SPATA13: variants seen among roughly 807,000 people sequenced by gnomAD.
The protein encoded by SPATA13 is spermatogenesis associated 13.
A neutral mutation model predicts 104.0 loss-of-function variants in SPATA13; 50 were observed. The ratio of observed to expected loss-of-function variants is 0.48; its 90% CI spans 0.38 to 0.61. The LOEUF is 0.61. Ranked by LOEUF, SPATA13 falls within the 20% of genes least tolerant of loss-of-function variation. SPATA13 has a pLI of 0.00. For synonymous variants in SPATA13, 606 were observed against 667.5 expected (o/e 0.91, Z 1.42); for missense variants, 1,524 against 1,690.6 (o/e 0.90, Z 1.73).
chr13:24,197,426 C>T (rs1286025828), intron 1 of SPATA13, among the ~76,000 whole-genome samples: 1 of 152,150 alleles, frequency 6.6e-6, no homozygotes, highest in African/African-American at 2.4e-5. Flanking sequence ...TTATTTAGCT[C>T]ATCAATGAGG....
chr13:24,237,085 G>T (rs532638245), intron 2 of SPATA13, among the ~76,000 whole-genome samples: 2 of 152,178 alleles, frequency 1.3e-5, no homozygotes, highest in South Asian at 2.1e-4. Context: ...CAGGCTGGGC[G>T]CAGGGCTCAC....
At chr13:24,047,139 T>G (rs1302798832) in intron 3 of SPATA13, among the ~76,000 whole-genome samples, 2 of 152,156 alleles carry the variant, frequency 1.3e-5, no homozygotes, top group Admixed American at 6.5e-5. Context: ...CAGGACTAGT[T>G]GAGTCATGAG....
At chr13:24,112,016 A>G (rs1880656773) in intron 3 of SPATA13, among the ~76,000 whole-genome samples, 1 of 152,190 alleles carries the variant, frequency 6.6e-6, no homozygotes, top group Admixed American at 6.5e-5. Flanking sequence ...TGTTCTTGAC[A>G]GTTGGCAAAT....
chr13:24,113,946 C>A (rs759489535), intron 3 of SPATA13, among the ~76,000 whole-genome samples: 2 of 148,776 alleles, frequency 1.3e-5, no homozygotes, highest in East Asian at 4.0e-4. Context: ...GGATGTGTTA[C>A]AAGTTTGCAG....
chr13:24,250,582 T>A (rs964043041), intron 3 of SPATA13, among the ~76,000 whole-genome samples: 7 of 152,224 alleles, frequency 4.6e-5, no homozygotes, highest in Middle Eastern at 3.2e-3. Flanking sequence ...ATGTCGTAAG[T>A]AACCCATAAA....
chr13:24,143,842 C>A (rs148042746), intron 3 of SPATA13, among the ~76,000 whole-genome samples: 106 of 152,320 alleles, frequency 7.0e-4, no homozygotes, highest in Non-Finnish European at 1.0e-3. Flanking sequence ...CTTGGAGGAA[C>A]ATGTGACACT....
intron 3 of SPATA13, among the ~76,000 whole-genome samples, chr13:24,142,941 C>T (rs575031563): frequency 6.6e-6 from 1 of 152,304 alleles, no homozygotes; most frequent in East Asian, 1.9e-4. Context: ...GCTGAAGCAG[C>T]TCTCCATCCA....
At chr13:24,087,372 G>A (rs1262531207) in intron 3 of SPATA13, among the ~76,000 whole-genome samples, 4 of 152,236 alleles carry the variant, frequency 2.6e-5, no homozygotes, top group African/African-American at 7.2e-5. Flanking sequence ...TCCCCCAGGG[G>A]CAGGATTAGA....
At chr13:24,008,567 G>T (rs1566070523) in intron 2 of SPATA13, among the ~76,000 whole-genome samples, 1 of 150,582 alleles carries the variant, frequency 6.6e-6, no homozygotes, top group Non-Finnish European at 1.5e-5. Flanking sequence ...GAAGGGGAGG[G>T]GAGAGAGAGA....
chr13:24,224,438 A>C lies in SPATA13; in HGVS notation c.1509A>C (p.Gly503=). 1 of 1,551,720 alleles carries C rather than the reference A, an allele frequency of 6.4e-7. No homozygotes were observed. Among genetic ancestry groups the C allele is most frequent in the Non-Finnish European group, 8.7e-7 (1 of 1,147,002 alleles). ...ALSANSEESE[G]RAEEPAQREP... is the part of the protein sequence containing the mutation. Reference sequence around the variant, plus strand: ...CCGCGAATTCAGAGGAAAGTGAAGGAAGGGCAGAAGAGCCTGCTCAGAGAG... The same window carrying C: ...CCGCGAATTCAGAGGAAAGTGAAGGCAGGGCAGAAGAGCCTGCTCAGAGAG... Residue 503 remains glycine, a synonymous_variant, in exon 2 of 13, where the codon GGA becomes GGC. Coordinates refer to ENST00000382108, the MANE Select transcript of SPATA13 (RefSeq NM_001166271.3).
At chr13:24,207,541 A>G (rs4770626) in intron 1 of SPATA13, among the ~76,000 whole-genome samples, 102,390 of 151,936 alleles carry the variant, frequency 0.67, 34,778 homozygotes, top group South Asian at 0.83. Context: ...TCACATTTCC[A>G]CCAACAGTAC....
chr13:23,997,701 G>C (rs1875761529), intron 2 of SPATA13, among the ~76,000 whole-genome samples: 1 of 152,078 alleles, frequency 6.6e-6, no homozygotes, highest in Non-Finnish European at 1.5e-5. Context: ...AAGGTGAAGG[G>C]GGAGCAGGCG....
intron 3 of SPATA13, among the ~76,000 whole-genome samples, chr13:24,066,888 G>C (rs1244489831): frequency 6.6e-6 from 1 of 152,174 alleles, no homozygotes; most frequent in East Asian, 1.9e-4. Context: ...GACAGCCATA[G>C]AACTGCAACC....
intron 1 of SPATA13, among the ~76,000 whole-genome samples, chr13:24,178,354 G>A (rs1010273729): frequency 2.6e-5 from 4 of 152,158 alleles, no homozygotes; most frequent in Non-Finnish European, 4.4e-5. Flanking sequence ...ACGGCTGCAA[G>A]GAATGAGTAG....
chr13:24,253,664 A>T (rs757852209), intron 4 of SPATA13, among the ~76,000 whole-genome samples: 17 of 152,148 alleles, frequency 1.1e-4, no homozygotes, highest in Non-Finnish European at 2.5e-4. Flanking sequence ...GACTTTGGGT[A>T]ATGTGAGGAG....
Position 24,290,882 on chromosome 13 carries a change from C to CGGGTGAGGGGCAT in SPATA13, c.3080+3_3080+15dup. On this transcript the variant is annotated stop_gained and frameshift_variant and splice_region_variant, in exon 9 of 13. Coordinates refer to ENST00000382108, the MANE Select transcript of SPATA13 (RefSeq NM_001166271.3). LOFTEE classifies it high-confidence loss of function. The stretch of plus-strand genomic sequence containing the variant: ...TGCTCAAGTATACCACACAGGAACA[C>CGGGTGAGGGGCAT]GGGTGAGGGGCATGGGTAAGGGGCA... 1 of 1,613,168 alleles carries CGGGTGAGGGGCAT rather than the reference C, an allele frequency of 6.2e-7. No homozygotes were observed. Among genetic ancestry groups the CGGGTGAGGGGCAT allele is most frequent in the Non-Finnish European group, 8.5e-7 (1 of 1,179,378 alleles).
At chr13:24,248,766 G>C (rs1432262300) in intron 2 of SPATA13, among the ~76,000 whole-genome samples, 2 of 152,184 alleles carry the variant, frequency 1.3e-5, no homozygotes, top group African/African-American at 4.8e-5. Context: ...ATTGAAAGAA[G>C]TGGGTAGAAC....
chr13:24,167,601 G>A (rs970093382), intron 1 of SPATA13, among the ~76,000 whole-genome samples: 14 of 152,196 alleles, frequency 9.2e-5, no homozygotes, highest in African/African-American at 2.7e-4. Flanking sequence ...GAATGGGAAT[G>A]TTATGTGAAT....
At chr13:24,005,784 G>C (rs576150761) in intron 2 of SPATA13, among the ~76,000 whole-genome samples, 1 of 152,316 alleles carries the variant, frequency 6.6e-6, no homozygotes, top group South Asian at 2.1e-4. Flanking sequence ...CTAGATCTGA[G>C]GCTCAGCAAG....
Sources: gnomAD v4.1 joint callset for allele counts (sites outside exome capture counted in the v4.1 genomes callset) on GRCh38, gnomAD v4.1.1 for gene constraint, MANE v1.5 for transcripts, NCBI Gene and HGNC (gene_info 2026-07-23, HGNC 2026-07-21) for gene names.